PRIMA1: variants seen among roughly 807,000 people sequenced by gnomAD.
PRIMA1 encodes proline-rich membrane anchor 1.
A neutral mutation model predicts 17.5 loss-of-function variants in PRIMA1; 7 were observed. The observed-to-expected ratio is 0.40, with a 90% CI of 0.23 to 0.75. The LOEUF is 0.75. Ranked by LOEUF, PRIMA1 falls within the 30% of genes least tolerant of loss-of-function variation. PRIMA1 has a pLI of 0.37. For missense variants in PRIMA1, 200 were observed against 201.8 expected, an observed-to-expected ratio of 0.99 and a Z score of 0.05; for synonymous variants, 97 against 77.9, an observed-to-expected ratio of 1.25 and a Z score of -1.29.
chr14:93,780,676 G>A (rs531969674), intron 2 of PRIMA1, among the ~76,000 whole-genome samples: 21 of 152,322 alleles, frequency 1.4e-4, no homozygotes, highest in African/African-American at 5.1e-4. Flanking sequence ...AGCTGGGCCT[G>A]GGGATTTTGC....
chr14:93,785,388 A>C (rs1188566309), intron 2 of PRIMA1, among the ~76,000 whole-genome samples: 1 of 152,202 alleles, frequency 6.6e-6, no homozygotes, highest in East Asian at 1.9e-4. Flanking sequence ...TCAGAGGCTT[A>C]AGGCTGATTG....
rs1208669871 is a variant in PRIMA1, at chr14:93,748,043, T to TGA, written c.230-10674_230-10673insTC. 5.1e-3 allele frequency among the ~76,000 whole-genome samples: 411 copies of TGA among 80,478 alleles called. 5 individuals are homozygous for TGA. Among genetic ancestry groups the TGA allele is most frequent in the African/African-American group, 6.0e-3 (145 of 24,012 alleles). The allele number at this position is 80,478 out of a possible 152,430, so 52.8% of individuals were successfully genotyped here. ...GAGTGGGGGACTGTGTGTGGGAGTGTGTGAGTGTGTGTATGTGAGTGTGAA... is the reference window on the plus strand; with the variant it reads ...GAGTGGGGGACTGTGTGTGGGAGTGTGAGTGAGTGTGTGTATGTGAGTGTGAA... On this transcript the variant is annotated intron_variant, in intron 3 of 4. Coordinates refer to ENST00000393140, the MANE Select transcript of PRIMA1 (RefSeq NM_178013.4).
intron 3 of PRIMA1, among the ~76,000 whole-genome samples, chr14:93,749,410 C>T (rs2076246931): frequency 6.6e-6 from 1 of 152,174 alleles, no homozygotes; most frequent in Admixed American, 6.5e-5. Flanking sequence ...GCACTGGGGA[C>T]AGGATGGACC....
At chr14:93,748,315 G>T (rs2076238995) in intron 3 of PRIMA1, among the ~76,000 whole-genome samples, 1 of 152,084 alleles carries the variant, frequency 6.6e-6, no homozygotes, top group African/African-American at 2.4e-5. Flanking sequence ...CAGACAGTCT[G>T]GCCCCAGGGC....
At chr14:93,756,559 G>C (rs914071202) in intron 3 of PRIMA1, among the ~76,000 whole-genome samples, 1 of 151,272 alleles carries the variant, frequency 6.6e-6, no homozygotes, top group Admixed American at 6.6e-5. Context: ...CGGCCCTATC[G>C]ATGCTCTTCC....
chr14:93,774,439 C>T (rs1885151603), intron 3 of PRIMA1, among the ~76,000 whole-genome samples: 1 of 152,214 alleles, frequency 6.6e-6, no homozygotes, highest in South Asian at 2.1e-4. Context: ...ACTTCACAGG[C>T]CTGCACGAAT....
rs547890556 is a variant in PRIMA1, at chr14:93,747,252, G to C, written c.230-9882C>G. 4.6e-5 allele frequency among the ~76,000 whole-genome samples: 7 copies of C among 152,326 alleles called. No individual in the cohort carries two copies. The South Asian group carries it at 1.2e-3, about 27-fold the overall frequency. On this transcript the variant is annotated intron_variant, in intron 3 of 4. Coordinates refer to ENST00000393140, the MANE Select transcript of PRIMA1 (RefSeq NM_178013.4). ...CCACGTCAGGAAGGGACGTCCAGGA[G>C]GAGGGGAGGTCAAGTGTGTCCACCG...
At chr14:93,763,217 G>A (rs758595740) in intron 3 of PRIMA1, among the ~76,000 whole-genome samples, 3 of 152,030 alleles carry the variant, frequency 2.0e-5, no homozygotes, top group Non-Finnish European at 4.4e-5. Context: ...ATAAAAGTCT[G>A]CCCCCCCAGC....
rs117618791 is a variant in PRIMA1, at chr14:93,771,256, G to A, written c.229+7920C>T. On this transcript the variant is annotated intron_variant, in intron 3 of 4. Coordinates refer to ENST00000393140, the MANE Select transcript of PRIMA1 (RefSeq NM_178013.4). ...CAGGGGTGGTGTCTAATTCCCCACT[G>A]TTTCAATATGAGGCAGCCCTGGTCC... 2.3e-3 allele frequency among the ~76,000 whole-genome samples: 352 copies of A among 152,208 alleles called. 11 individuals carry two copies. The East Asian group carries it at 0.037, about 16-fold the overall frequency.
chr14:93,727,046 A>G (rs1319915043), intron 4 of PRIMA1, among the ~76,000 whole-genome samples: 1 of 152,166 alleles, frequency 6.6e-6, no homozygotes, highest in East Asian at 1.9e-4. Flanking sequence ...CTGAGCCTCG[A>G]GGGCGTCACC....
At chr14:93,764,062 C>G (rs372932164) in intron 3 of PRIMA1, among the ~76,000 whole-genome samples, 1 of 151,972 alleles carries the variant, frequency 6.6e-6, no homozygotes, top group African/African-American at 2.4e-5. Flanking sequence ...CATGTCTGGT[C>G]GGTCACTGAG....
At chr14:93,727,216 G>A (rs999430667) in intron 4 of PRIMA1, among the ~76,000 whole-genome samples, 13 of 152,180 alleles carry the variant, frequency 8.5e-5, no homozygotes, top group African/African-American at 3.1e-4. Context: ...CGGAACTGGC[G>A]ACTGTGCATT....
chr14:93,786,814 G>A (rs1484975454), intron 2 of PRIMA1, among the ~76,000 whole-genome samples: 1 of 152,154 alleles, frequency 6.6e-6, no homozygotes, highest in Non-Finnish European at 1.5e-5. Flanking sequence ...CATGGACCTG[G>A]CACTGCACTA....
intron 3 of PRIMA1, among the ~76,000 whole-genome samples, chr14:93,773,574 T>G (rs1376153475): frequency 6.6e-6 from 1 of 152,160 alleles, no homozygotes; most frequent in Non-Finnish European, 1.5e-5. Context: ...AGACTCAAAG[T>G]GAGGGTTGTG....
chr14:93,775,856 T>TCC (rs1156233042), intron 3 of PRIMA1, among the ~76,000 whole-genome samples: 1 of 152,146 alleles, frequency 6.6e-6, no homozygotes, highest in Non-Finnish European at 1.5e-5. Flanking sequence ...AAACCACCTC[T>TCC]CCCTGAGCCT....
intron 4 of PRIMA1, among the ~76,000 whole-genome samples, chr14:93,730,736 A>C (rs553569144): frequency 6.6e-6 from 1 of 152,360 alleles, no homozygotes; most frequent in Admixed American, 6.5e-5. Context: ...CCAAAGCTCC[A>C]GAAAGAGTGT....
At position 93,750,113 on chromosome 14, in the gene PRIMA1, G is replaced by A. The variant is rs186580324; in HGVS notation, c.230-12743C>T. 3.3e-5 allele frequency among the ~76,000 whole-genome samples: 5 copies of A among 152,214 alleles called. No homozygotes were observed. In the South Asian group the frequency reaches 8.3e-4, roughly 25 times the overall value. ...AGGAGAAACAGAATCGCTTGAGCCC[G>A]GGAGGCAGAGGTTGCAGTGTGCCGA... On this transcript the variant is annotated intron_variant, in intron 3 of 4. Coordinates refer to ENST00000393140, the MANE Select transcript of PRIMA1 (RefSeq NM_178013.4).
chr14:93,755,702 C>T (rs984216938), intron 3 of PRIMA1, among the ~76,000 whole-genome samples: 3 of 152,142 alleles, frequency 2.0e-5, no homozygotes, highest in Admixed American at 1.3e-4. Context: ...GCATGTACAG[C>T]CCTTTTCCAG....
intron 4 of PRIMA1, among the ~76,000 whole-genome samples, chr14:93,734,134 G>A (rs527910768): frequency 1.3e-5 from 2 of 152,312 alleles, no homozygotes; most frequent in African/African-American, 4.8e-5. Context: ...GAGGTCAAAG[G>A]GCTGGGTCCT....
Sources: gnomAD v4.1 joint callset for allele counts (sites outside exome capture counted in the v4.1 genomes callset) on GRCh38, gnomAD v4.1.1 for gene constraint, MANE v1.5 for transcripts, NCBI Gene and HGNC (gene_info 2026-07-23, HGNC 2026-07-21) for gene names.